The following TRIP11 variants were observed in gnomAD, a reference collection of about 807,000 sequenced individuals.
TRIP11 encodes thyroid hormone receptor interactor 11, also known as thyroid receptor-interacting protein 11.
TRIP11 carries 148 observed loss-of-function variants against 223.1 expected under a neutral mutation model. The observed-to-expected ratio is 0.66, with a 90% CI of 0.58 to 0.76. The LOEUF (loss-of-function observed/expected upper bound fraction) is 0.76, where lower values mean the gene tolerates loss of function less well. TRIP11 is among the 30% of genes least tolerant of loss of function. The probability of loss-of-function intolerance (pLI) is 0.00; values close to 1 mark genes in which losing one functional copy is unlikely to be tolerated. For synonymous variants in TRIP11, 762 were observed against 772.6 expected, an observed-to-expected ratio of 0.99 and a Z score of 0.23; for missense variants, 2,043 against 2,222.0, an observed-to-expected ratio of 0.92 and a Z score of 1.62.
At chr14:92,023,510 C>A (rs1232239513) in intron 3 of TRIP11, among the ~76,000 whole-genome samples, 1 of 152,176 alleles carries the variant, frequency 6.6e-6, no homozygotes, top group Non-Finnish European at 1.5e-5. Context: ...GAATTTTCTA[C>A]TTGTGGCATC....
At position 91,969,556 on chromosome 14, in the gene TRIP11, G is replaced by A; in HGVS notation, c.*117C>T. On this transcript the variant is annotated 3_prime_UTR_variant, in exon 21 of 21. Coordinates refer to ENST00000267622, the MANE Select transcript of TRIP11 (RefSeq NM_004239.4). ...AATATTTTTATTAAATTCAGAGAAAGCATAATTGCGAACAAATACATGACT... is the reference window on the plus strand; with the variant it reads ...AATATTTTTATTAAATTCAGAGAAAACATAATTGCGAACAAATACATGACT... 1 of 989,206 alleles carries A rather than the reference G, an allele frequency of 1.0e-6. No individual in the cohort carries two copies. Among genetic ancestry groups the A allele is most frequent in the Non-Finnish European group, 1.6e-6 (1 of 625,830 alleles). The allele number at this position is 989,206 out of a possible 1,614,324, so 61.3% of individuals were successfully genotyped here.
intron 16 of TRIP11, among the ~76,000 whole-genome samples, chr14:91,984,286 T>C (rs2056578128): frequency 6.6e-6 from 1 of 151,878 alleles, no homozygotes; most frequent in Non-Finnish European, 1.5e-5. Context: ...GTGCTTTTTA[T>C]TTCAATTTAT....
Position 92,003,335 on chromosome 14 carries a change from T to G in TRIP11, c.4557+84A>C, listed in dbSNP as rs74073675. On this transcript the variant is annotated intron_variant, in intron 11 of 20. Transcript: ENST00000267622. ...TAAATGAACAAATGCACAGTCCCCT[T>G]CAAAGACAATATAAATGAAATAACA... 88 of 1,550,336 alleles carry G rather than the reference T, an allele frequency of 5.7e-5. 1 individual carries two copies. In the African/African-American group the frequency reaches 1.1e-3, roughly 19 times the overall value.
In TRIP11 at chr14:92,004,087, G is replaced by A. The variant is rs750997280; in HGVS notation, c.3889C>T (p.Gln1297Ter). 6.2e-7 allele frequency: 1 copy of A among 1,614,176 alleles called. No individual in the cohort carries two copies. The highest frequency in any genetic ancestry group is 8.5e-7 in the Non-Finnish European group (1 of 1,180,022). Residue 1297 changes from glutamine (Q) to a stop codon, truncating the protein, a stop_gained, in exon 11 of 21, where the codon CAG becomes TAG. Coordinates refer to ENST00000267622, the MANE Select transcript of TRIP11 (RefSeq NM_004239.4). LOFTEE classifies it high-confidence loss of function. Reference sequence around the variant, plus strand: ...AGAAGATCCTTGGTATTGCAAAGCTGCCCAATGCTGTGCTGAACTTGTGCT... The same window carrying A: ...AGAAGATCCTTGGTATTGCAAAGCTACCCAATGCTGTGCTGAACTTGTGCT... ...ELAQVQHSIGQLCNTKDLLLG... is the reference protein window; with the variant it reads ...ELAQVQHSIG
intron 15 of TRIP11, among the ~76,000 whole-genome samples, chr14:91,988,875 T>C (rs986917065): frequency 2.0e-5 from 3 of 152,162 alleles, no homozygotes; most frequent in Non-Finnish European, 2.9e-5. Flanking sequence ...TTTGCATACA[T>C]TGCCCAAGAT....
Position 91,988,359 on chromosome 14 carries a change from C to T in TRIP11, c.5185G>A (p.Ala1729Thr). The T allele has an allele frequency of 6.2e-7, 1 of 1,613,754 alleles. No homozygotes were observed. Among genetic ancestry groups the T allele is most frequent in the Non-Finnish European group, 8.5e-7 (1 of 1,179,848 alleles). Residue 1729 changes from alanine (A) to threonine (T), a missense_variant, in exon 16 of 21, where the codon GCA becomes ACA. Transcript: ENST00000267622. The stretch of plus-strand genomic sequence containing the variant: ...GTAAGTCTTGATGCTGAATCCAATG[C>T]AGCATTTGCTTCATCCAAACATTCC... ...LQECLDEANA[A>T]LDSASRLTEQ... is the part of the protein sequence containing the mutation.
intron 2 of TRIP11, 25 bp downstream of exon 2, chr14:92,033,167 C>G: frequency 1.2e-6 from 2 of 1,601,368 alleles, no homozygotes; most frequent in Non-Finnish European, 8.6e-7. Flanking sequence ...AAAGAAAAAT[C>G]TAAGTAGTCT....
intron 16 of TRIP11, among the ~76,000 whole-genome samples, chr14:91,986,426 A>G (rs1347933417): frequency 2.0e-5 from 3 of 152,174 alleles, no homozygotes; most frequent in Admixed American, 6.5e-5. Context: ...ATGCTCCAAT[A>G]AGCATTTCAT....
At chr14:92,038,503 C>T (rs1435399456) in intron 1 of TRIP11, among the ~76,000 whole-genome samples, 1 of 152,098 alleles carries the variant, frequency 6.6e-6, no homozygotes, top group South Asian at 2.1e-4. Flanking sequence ...CGGTAGCTCC[C>T]CAGTCTATTC....
chr14:91,985,084 T>C (rs2056589676), intron 16 of TRIP11, among the ~76,000 whole-genome samples: 1 of 152,206 alleles, frequency 6.6e-6, no homozygotes, highest in Admixed American at 6.5e-5. Flanking sequence ...TCCCTACTGC[T>C]GGTTTATGTC....
intron 9 of TRIP11, among the ~76,000 whole-genome samples, chr14:92,009,802 A>AC (rs1263277333): frequency 6.6e-6 from 1 of 152,186 alleles, no homozygotes; most frequent in Non-Finnish European, 1.5e-5. Context: ...ATATGCTGAC[A>AC]TTTGTATTTT....
At chr14:91,969,978 A>C in intron 20 of TRIP11, 85 bp from the exon 21 acceptor site, 7 of 1,265,904 alleles carry the variant, frequency 5.5e-6, no homozygotes, top group Non-Finnish European at 7.9e-6. Flanking sequence ...GCATAAAGTT[A>C]TCTGTGTAAT....
Position 91,995,351 on chromosome 14 carries a change from C to G in TRIP11, c.5056+1G>C. On this transcript the variant is annotated splice_donor_variant, in intron 14 of 20. Coordinates refer to ENST00000267622, the MANE Select transcript of TRIP11 (RefSeq NM_004239.4). LOFTEE classifies it high-confidence loss of function. Reference sequence around the variant, plus strand: ...ATTGAAAGAGTGACCGTAGAGCTTACCTTGTTGGAAATGCTCTAGTACCAT... The same window carrying G: ...ATTGAAAGAGTGACCGTAGAGCTTAGCTTGTTGGAAATGCTCTAGTACCAT... The G allele has an allele frequency of 6.2e-7, 1 of 1,613,342 alleles. No individual in the cohort carries two copies.
At chr14:92,012,688 G>A (rs1358671563) in intron 7 of TRIP11, among the ~76,000 whole-genome samples, 1 of 152,192 alleles carries the variant, frequency 6.6e-6, no homozygotes, top group East Asian at 1.9e-4. Context: ...GTAACAGAGT[G>A]AAGAGGTAAC....
intron 18 of TRIP11, 115 bp downstream of exon 18, chr14:91,975,057 C>T: frequency 1.0e-6 from 1 of 966,100 alleles, no homozygotes; most frequent in South Asian, 1.3e-5. Flanking sequence ...AATTCCATTT[C>T]CACACTGAGA....
Position 92,014,592 on chromosome 14 carries a change from C to G in TRIP11, c.824-15G>C, listed in dbSNP as rs766724573. 3 of 1,598,270 alleles carry G rather than the reference C, an allele frequency of 1.9e-6. No individual in the cohort carries two copies. Among genetic ancestry groups the G allele is most frequent in the Admixed American group, 1.7e-5 (1 of 58,846 alleles). Reference sequence around the variant, plus strand: ...TCCAGAGCCACCTAGAACATAAACACAAAACAATGACATCAAATGTCAAGT... The same window carrying G: ...TCCAGAGCCACCTAGAACATAAACAGAAAACAATGACATCAAATGTCAAGT... On this transcript the variant is annotated splice_polypyrimidine_tract_variant and intron_variant, in intron 6 of 20. Coordinates refer to ENST00000267622, the MANE Select transcript of TRIP11 (RefSeq NM_004239.4).
intron 16 of TRIP11, among the ~76,000 whole-genome samples, chr14:91,984,222 CA>C (rs1462466892): frequency 2.6e-5 from 4 of 152,044 alleles, no homozygotes; most frequent in Non-Finnish European, 5.9e-5. Flanking sequence ...TTTCTTTGCA[CA>C]CCATAAAATT....
In TRIP11 at chr14:92,005,721, A is replaced by C. The variant is rs375808911; in HGVS notation, c.2255T>G (p.Leu752Trp). The change falls in exon 11 of 21, where the codon TTG becomes TGG. Residue 752 changes from leucine to tryptophan, a missense_variant. Physicochemically the swap from Leu to Trp is moderately conservative, Grantham distance 61. Coordinates refer to ENST00000267622, the MANE Select transcript of TRIP11 (RefSeq NM_004239.4). ...TTCCAGCTGTAAGGCAGAGGTATTC[A>C]AATTACGTGCATTTGACAGTTCTTC... ...TIEELSNARNLNTSALQLEHE... is the reference protein window; with the variant it reads ...TIEELSNARNWNTSALQLEHE... The C allele has an allele frequency of 6.2e-7, 1 of 1,613,898 alleles. No homozygotes were observed. The highest frequency in any genetic ancestry group is 8.5e-7 in the Non-Finnish European group (1 of 1,180,022).
chr14:92,027,063 G>A (rs2057198763), intron 2 of TRIP11, among the ~76,000 whole-genome samples: 1 of 152,072 alleles, frequency 6.6e-6, no homozygotes, highest in African/African-American at 2.4e-5. Flanking sequence ...CAAACCATGA[G>A]AATTTGCAAC....
Sources: allele counts gnomAD v4.1 joint callset (sites outside exome capture counted in the v4.1 genomes callset), GRCh38; gene constraint gnomAD v4.1.1; transcripts MANE v1.5; gene names NCBI Gene and HGNC (gene_info 2026-07-23, HGNC 2026-07-21).